Variants in AZIN2 observed in about 807,000 individuals in gnomAD.
AZIN2 encodes antizyme inhibitor 2.
A neutral mutation model predicts 47.8 loss-of-function variants in AZIN2; 28 were observed. The observed-to-expected ratio is 0.59, with a 90% confidence interval of 0.43 to 0.80. The LOEUF is 0.80. Among genes scored for constraint, AZIN2 ranks in the 30% least tolerant of loss-of-function variants. AZIN2 has a pLI of 0.00. For synonymous variants in AZIN2, 221 were observed against 239.4 expected, an observed-to-expected ratio of 0.92 and a Z score of 0.71; for missense variants, 535 against 582.5, an observed-to-expected ratio of 0.92 and a Z score of 0.84.
chr1:33,110,804 G>A (rs1644253030), intron 10 of AZIN2, among the ~76,000 whole-genome samples: 1 of 152,194 alleles, frequency 6.6e-6, no homozygotes, highest in Non-Finnish European at 1.5e-5. Context: ...TGTCACACTA[G>A]TAATTTGAAC....
At chr1:33,112,031 T>G (rs1344547482) in intron 10 of AZIN2, among the ~76,000 whole-genome samples, 1 of 152,136 alleles carries the variant, frequency 6.6e-6, no homozygotes, top group Non-Finnish European at 1.5e-5. Flanking sequence ...GAAAAGGTGC[T>G]CAGTGGTAAT....
chr1:33,095,620 C>T (rs772824691), intron 8 of AZIN2, among the ~76,000 whole-genome samples: 1 of 152,090 alleles, frequency 6.6e-6, no homozygotes, highest in Non-Finnish European at 1.5e-5. Flanking sequence ...TTTCTGTAAT[C>T]AAGTATATTA....
chr1:33,084,142 C>A lies in AZIN2; in HGVS notation c.279+15C>A. On this transcript the variant is annotated intron_variant, in intron 5 of 11. Coordinates refer to ENST00000294517, the MANE Select transcript of AZIN2 (RefSeq NM_052998.4). ...GTGCCAACAAGGTGAGCCCTGCCCGCACGGTGCACTGACCCTCCATGCCCA... is the reference window on the plus strand; with the variant it reads ...GTGCCAACAAGGTGAGCCCTGCCCGAACGGTGCACTGACCCTCCATGCCCA... 6.2e-7 allele frequency: 1 copy of A among 1,605,972 alleles called. No homozygotes were observed. Among genetic ancestry groups the A allele is most frequent in the Non-Finnish European group, 8.5e-7 (1 of 1,179,898 alleles).
At chr1:33,141,522 C>T in the AZIN2 span, among the ~76,000 whole-genome samples, 1 of 152,198 alleles carries the variant, frequency 6.6e-6, no homozygotes, top group East Asian at 1.9e-4. Flanking sequence ...TCTAGTCTCA[C>T]AGTTTTGGGA....
chr1:33,093,446 C>G, intron 7 of AZIN2, 30 bp downstream of exon 7: 1 of 1,606,986 alleles, frequency 6.2e-7, no homozygotes, highest in Non-Finnish European at 8.5e-7. Flanking sequence ...GCCATCCCCT[C>G]CCACACCAGG....
At chr1:33,164,887 TC>T in the AZIN2 span, 2 of 151,862 alleles carry the variant, frequency 1.3e-5, no homozygotes, top group African/African-American at 4.9e-5. Flanking sequence ...CAGGCAATCT[TC>T]CCATCTGTCT....
intron 10 of AZIN2, among the ~76,000 whole-genome samples, chr1:33,111,026 G>A (rs1644262210): frequency 6.6e-6 from 1 of 152,202 alleles, no homozygotes; most frequent in South Asian, 2.1e-4. Context: ...TCCACCAGTG[G>A]CAAACTTGTC....
chr1:33,099,653 G>C (rs1318068376), intron 10 of AZIN2, among the ~76,000 whole-genome samples: 4 of 152,150 alleles, frequency 2.6e-5, no homozygotes, highest in African/African-American at 9.7e-5. Flanking sequence ...CTTTGCTTTG[G>C]CTGATCTCTA....
the AZIN2 span, chr1:33,159,920 T>C: frequency 1.9e-6 from 3 of 1,606,540 alleles, no homozygotes; most frequent in South Asian, 1.1e-5. This position sits in a 1 kb window ranked among gnomAD's most constrained non-coding sequence, Gnocchi z 4.2. Flanking sequence ...TCGCCGATAG[T>C]GGTCCGCAGG....
chr1:33,147,375 C>T, the AZIN2 span: 1 of 1,614,152 alleles, frequency 6.2e-7, no homozygotes, highest in South Asian at 1.1e-5. The surrounding 1 kb of genome is among the most constrained non-coding windows in gnomAD (Gnocchi z 8.1). Context: ...CAAGCTTGTC[C>T]CGGACGTTAA....
intron 7 of AZIN2, among the ~76,000 whole-genome samples, chr1:33,093,727 CTTTCTTTTTTT>C (rs938206201): frequency 6.9e-6 from 1 of 144,966 alleles, no homozygotes; most frequent in African/African-American, 2.7e-5. Context: ...TCTTTTCTTT[CTTTCTTTTTTT>C]TTTTTTTTTT....
chr1:33,103,464 T>C (rs952947353), intron 10 of AZIN2, among the ~76,000 whole-genome samples: 3 of 152,190 alleles, frequency 2.0e-5, no homozygotes, highest in African/African-American at 7.2e-5. Flanking sequence ...TTCTCTTTCT[T>C]ATGTCTCAGC....
rs140229682 is a variant in AZIN2 at position 33,094,609 on chromosome 1, C to T, written c.649C>T (p.Arg217Trp). ...CTATGCTCAGTCCATCGCAGACGCC[C>T]GGCTCGTGTTTGAAATGGGCACCGA... ...QAYAQSIADA[R>W]LVFEMGTELG... is the part of the protein sequence containing the mutation. The change falls in exon 8 of 12, where the codon CGG becomes TGG. Residue 217 changes from arginine (R) to tryptophan (W), a missense_variant. By Grantham distance (101) the Arg-to-Trp change is moderately radical (BLOSUM62 -3). This residue lies in a region of AZIN2 where 409 missense variants were observed against 429.0 expected (regional missense o/e 0.95). Transcript: ENST00000294517. 3.3e-4 allele frequency: 534 copies of T among 1,614,160 alleles called. 1 individual carries two copies. The highest frequency in any genetic ancestry group is 4.1e-4 in the Non-Finnish European group (480 of 1,180,032).
intron 11 of AZIN2, 55 bp downstream of exon 11, chr1:33,118,171 G>A (rs1168596629): frequency 3.1e-5 from 46 of 1,474,916 alleles, no homozygotes; most frequent in Admixed American, 4.9e-5. Context: ...GCAGAAACGA[G>A]GGAAACTTGA....
At chr1:33,142,154 C>T in the AZIN2 span, 1 of 152,416 alleles carries the variant, frequency 6.6e-6, no homozygotes, top group Admixed American at 6.5e-5. Flanking sequence ...TGTATTTAAG[C>T]CTGTGATACC....
intron 5 of AZIN2, 41 bp downstream of exon 5, chr1:33,084,168 C>A: frequency 6.3e-7 from 1 of 1,599,328 alleles, no homozygotes; most frequent in Non-Finnish European, 8.5e-7. Context: ...TCCATGCCCA[C>A]TGAACACACA....
intron 5 of AZIN2, among the ~76,000 whole-genome samples, chr1:33,087,063 C>A (rs937937030): frequency 5.3e-5 from 8 of 151,968 alleles, no homozygotes; most frequent in African/African-American, 7.3e-5. Flanking sequence ...TCATTCACCC[C>A]AAAAGAAACT....
chr1:33,138,050 G>C, the AZIN2 span, among the ~76,000 whole-genome samples: 2 of 152,184 alleles, frequency 1.3e-5, no homozygotes, highest in African/African-American at 2.4e-5. Context: ...ACCATCAGTG[G>C]GGTGCTGGGA....
chr1:33,165,246 C>G, the AZIN2 span: 2 of 482,472 alleles, frequency 4.1e-6, no homozygotes, highest in Admixed American at 7.6e-5. This position sits in a 1 kb window ranked among gnomAD's most constrained non-coding sequence, Gnocchi z 4.0. Context: ...AGGGACCAGC[C>G]CACATCCTTG....
Sources: gnomAD v4.1 joint callset for allele counts (sites outside exome capture counted in the v4.1 genomes callset) on GRCh38, gnomAD v4.1.1 for gene constraint, gnomAD v4.1.1 regional missense constraint, Gnocchi (gnomAD v3.1) non-coding constraint, MANE v1.5 for transcripts, NCBI Gene and HGNC (gene_info 2026-07-23, HGNC 2026-07-21) for gene names.